The following PPARGC1A variants were observed in gnomAD, a reference collection of about 807,000 sequenced individuals.
The protein encoded by PPARGC1A is peroxisome proliferator-activated receptor gamma coactivator 1-alpha.
Under a neutral mutation model 88.7 loss-of-function variants are expected in PPARGC1A, and 25 were observed. The observed-to-expected ratio is 0.28, with a 90% CI of 0.21 to 0.39. The LOEUF is 0.39. Ranked by LOEUF, PPARGC1A falls within the 10% of genes least tolerant of loss-of-function variation. The pLI is 1.00. For synonymous variants in PPARGC1A, 363 were observed against 355.6 expected, an observed-to-expected ratio of 1.02 and a Z score of -0.24; for missense variants, 880 against 968.7, an observed-to-expected ratio of 0.91 and a Z score of 1.22.
At chr4:24,381,428 G>C in the PPARGC1A span, among the ~76,000 whole-genome samples, 2 of 152,180 alleles carry the variant, frequency 1.3e-5, no homozygotes, top group Non-Finnish European at 2.9e-5. Context: ...TTTATTAAAA[G>C]GTAACTAGCT....
the PPARGC1A span, among the ~76,000 whole-genome samples, chr4:24,169,523 T>G: frequency 6.6e-6 from 1 of 151,936 alleles, no homozygotes. Flanking sequence ...ATCTTTGCAG[T>G]TTTTCTGTAA....
intron 2 of PPARGC1A, among the ~76,000 whole-genome samples, chr4:23,859,054 G>A (rs1730727571): frequency 1.3e-5 from 2 of 151,298 alleles, no homozygotes; most frequent in Non-Finnish European, 1.5e-5. Flanking sequence ...AATTAAAATA[G>A]TATTGTAATA....
At chr4:24,117,599 C>G in the PPARGC1A span, among the ~76,000 whole-genome samples, 30 of 151,250 alleles carry the variant, frequency 2.0e-4, no homozygotes, top group Admixed American at 2.0e-3. Context: ...TAACTTTCAA[C>G]AGCACCAGGC....
At chr4:24,395,754 G>A in the PPARGC1A span, among the ~76,000 whole-genome samples, 4 of 152,174 alleles carry the variant, frequency 2.6e-5, no homozygotes, top group Non-Finnish European at 5.9e-5. Flanking sequence ...ACTCACGGAA[G>A]AGGAAGTTGA....
the PPARGC1A span, among the ~76,000 whole-genome samples, chr4:24,041,928 G>A: frequency 1.6e-4 from 24 of 151,056 alleles, no homozygotes; most frequent in East Asian, 4.5e-3. Context: ...AAAAAAGAAA[G>A]AAAAGAAAGA....
At chr4:24,047,052 C>G in the PPARGC1A span, among the ~76,000 whole-genome samples, 1 of 152,180 alleles carries the variant, frequency 6.6e-6, no homozygotes, top group Admixed American at 6.5e-5. Context: ...ATTGAAGACT[C>G]TGTTTTCTGG....
chr4:24,308,319 AAAG>A, the PPARGC1A span, among the ~76,000 whole-genome samples: 2 of 151,694 alleles, frequency 1.3e-5, no homozygotes, highest in African/African-American at 4.8e-5. Context: ...AAAAAAGAGA[AAAG>A]AAAAAAGAAA....
rs1439174164 is a variant in PPARGC1A at position 23,837,436 on chromosome 4, G to A, written c.235-5685C>T. Reference sequence around the variant, plus strand: ...CAAAGGCCTGAGAATTCTTCAAGAAGGTGTTCATAAACATTTCCAGTGTAT... The same window carrying A: ...CAAAGGCCTGAGAATTCTTCAAGAAAGTGTTCATAAACATTTCCAGTGTAT... On this transcript the variant is annotated intron_variant, in intron 2 of 12. Transcript: ENST00000264867. 2.6e-5 allele frequency among the ~76,000 whole-genome samples: 4 copies of A among 151,052 alleles called. No homozygotes were observed. In the East Asian group the frequency reaches 5.8e-4, roughly 22 times the overall value.
intron 1 of PPARGC1A, among the ~76,000 whole-genome samples, chr4:23,897,200 T>C (rs943352647): frequency 3.3e-5 from 5 of 152,212 alleles, no homozygotes; most frequent in African/African-American, 1.2e-4. Flanking sequence ...ACATGGGTGT[T>C]TGTTATTTTG....
chr4:24,418,898 T>A, the PPARGC1A span, among the ~76,000 whole-genome samples: 16 of 152,228 alleles, frequency 1.1e-4, no homozygotes, highest in Admixed American at 6.5e-4. Flanking sequence ...TTTTTGCTAA[T>A]CATCTGCCAG....
the PPARGC1A span, among the ~76,000 whole-genome samples, chr4:24,340,833 G>A: frequency 2.0e-5 from 3 of 151,828 alleles, no homozygotes; most frequent in Non-Finnish European, 2.9e-5. Context: ...ATTTAAACCC[G>A]CTGACCACCG....
Position 23,824,338 on chromosome 4 carries a change from G to A in PPARGC1A, c.819C>T (p.Ser273=). 6.2e-7 allele frequency: 1 copy of A among 1,613,326 alleles called. No individual in the cohort carries two copies. Among genetic ancestry groups the A allele is most frequent in the Non-Finnish European group, 8.5e-7 (1 of 1,179,612 alleles). The stretch of plus-strand genomic sequence containing the variant: ...GTTCAATAGTCTTGTTCTCAAATGG[G>A]GAACCCTTGGGGTCACTGGAAGATA... The part of the protein sequence containing the change: ...TPESPNDPKG[S]PFENKTIERT... Residue 273 remains serine, a synonymous_variant, in exon 7 of 13, where the codon TCC becomes TCT. Coordinates refer to ENST00000264867, the MANE Select transcript of PPARGC1A (RefSeq NM_013261.5).
chr4:24,144,485 C>T, the PPARGC1A span, among the ~76,000 whole-genome samples: 2 of 135,766 alleles, frequency 1.5e-5, no homozygotes, highest in Admixed American at 1.5e-4. Context: ...GGGAGTTATC[C>T]AGTGGCTTGG....
At chr4:24,317,859 G>A in the PPARGC1A span, among the ~76,000 whole-genome samples, 2 of 152,132 alleles carry the variant, frequency 1.3e-5, no homozygotes, top group Admixed American at 6.5e-5. Context: ...AAAATTGTGT[G>A]CTAAAAACAG....
chr4:24,183,271 G>A, the PPARGC1A span, among the ~76,000 whole-genome samples: 1 of 152,110 alleles, frequency 6.6e-6, no homozygotes, highest in Non-Finnish European at 1.5e-5. Flanking sequence ...TGTCAGAGAG[G>A]AACTCTTATT....
chr4:24,326,681 A>T, the PPARGC1A span, among the ~76,000 whole-genome samples: 2 of 152,226 alleles, frequency 1.3e-5, no homozygotes, highest in African/African-American at 2.4e-5. Context: ...CTCCCTACTG[A>T]TCGTGTCCAG....
chr4:24,252,039 CCT>C, the PPARGC1A span, among the ~76,000 whole-genome samples: 4 of 152,074 alleles, frequency 2.6e-5, no homozygotes, highest in East Asian at 1.9e-4. Flanking sequence ...GTCTTTTCCC[CCT>C]GTTATTCGAG....
At chr4:23,933,125 T>C in the PPARGC1A span, among the ~76,000 whole-genome samples, 157 of 152,238 alleles carry the variant, frequency 1.0e-3, no homozygotes, top group Non-Finnish European at 1.9e-3. Flanking sequence ...GTCTGAAAGC[T>C]CTGTGAATTT....
chr4:23,883,524 C>A (rs894356721), intron 2 of PPARGC1A: 10 of 152,114 alleles, frequency 6.6e-5, no homozygotes, highest in African/African-American at 2.4e-4. Context: ...AATCCCAGGT[C>A]TTTATTGTCA....
Sources: allele counts gnomAD v4.1 joint callset (sites outside exome capture counted in the v4.1 genomes callset), GRCh38; gene constraint gnomAD v4.1.1; transcripts MANE v1.5; gene names NCBI Gene and HGNC (gene_info 2026-07-23, HGNC 2026-07-21).